The following CNGB1 variants were observed in gnomAD, a reference collection of about 807,000 sequenced individuals.
CNGB1 encodes the protein cyclic nucleotide gated channel subunit beta 1.
Under a neutral mutation model 151.7 loss-of-function variants are expected in CNGB1, and 126 were observed. The observed-to-expected ratio is 0.83, with a 90% CI of 0.72 to 0.96. The LOEUF (loss-of-function observed/expected upper bound fraction) is 0.96, where lower values mean the gene tolerates loss of function less well. CNGB1 is among the 40% of genes least tolerant of loss of function. The pLI, the probability that CNGB1 is intolerant of heterozygous loss-of-function variation, is 0.00. For synonymous variants in CNGB1, 623 were observed against 635.1 expected (o/e 0.98, Z 0.29); for missense variants, 1,698 against 1,627.0 (o/e 1.04, Z -0.75).
rs765506955 is a variant in CNGB1 at position 57,884,307 on chromosome 16, G to A, written c.3613C>T (p.Leu1205Phe). The change falls in exon 33 of 33, where the codon CTT becomes TTT. Residue 1205 changes from leucine (L) to phenylalanine (F), a missense_variant. Coordinates refer to ENST00000251102, the MANE Select transcript of CNGB1 (RefSeq NM_001297.5). ...TCCTCCTCTCCCTCCGGCCTCCCAAGGGAGGCAGGCGGTGGAGAGCTCGGT... is the reference window on the plus strand; with the variant it reads ...TCCTCCTCTCCCTCCGGCCTCCCAAAGGAGGCAGGCGGTGGAGAGCTCGGT... ...SPPSSPPPASLGRPEGEEEGP... is the reference protein window; with the variant it reads ...SPPSSPPPASFGRPEGEEEGP... The A allele has an allele frequency of 5.0e-6, 8 of 1,612,700 alleles. No homozygotes were observed. Among genetic ancestry groups the A allele is most frequent in the African/African-American group, 1.3e-5 (1 of 74,866 alleles).
intron 23 of CNGB1, 91 bp downstream of exon 23, chr16:57,915,158 C>T: frequency 9.8e-7 from 1 of 1,021,346 alleles, no homozygotes; most frequent in Non-Finnish European, 1.5e-6. Context: ...CTCCCCTCCC[C>T]AGTGCTGCTG....
chr16:57,954,238 C>G (rs765759942), intron 12 of CNGB1, among the ~76,000 whole-genome samples: 1 of 152,166 alleles, frequency 6.6e-6, no homozygotes, highest in Non-Finnish European at 1.5e-5. Context: ...ATTGCCCCAC[C>G]TCATCACCAG....
At chr16:57,914,779 T>TC (rs1442563939) in intron 23 of CNGB1, among the ~76,000 whole-genome samples, 1 of 152,124 alleles carries the variant, frequency 6.6e-6, no homozygotes, top group Non-Finnish European at 1.5e-5. Context: ...TTCAAATCCA[T>TC]CCCTGGCACT....
chr16:57,890,060 C>T (rs1443019833), intron 31 of CNGB1, among the ~76,000 whole-genome samples: 1 of 152,162 alleles, frequency 6.6e-6, no homozygotes, highest in Non-Finnish European at 1.5e-5. Context: ...AGAGCCCTAG[C>T]TTTTTACCGG....
At chr16:57,904,112 G>A (rs1206907956) in intron 26 of CNGB1, 131 bp from the exon 27 acceptor site, 16 of 736,356 alleles carry the variant, frequency 2.2e-5, no homozygotes, top group Non-Finnish European at 3.3e-5. Flanking sequence ...TGGGAGGGGG[G>A]TAGGCAGATG....
At chr16:57,918,933 G>A (rs1260142685) in intron 20 of CNGB1, among the ~76,000 whole-genome samples, 166 bp downstream of exon 20, 1 of 152,132 alleles carries the variant, frequency 6.6e-6, no homozygotes, top group East Asian at 1.9e-4. Context: ...TTGAGAATCA[G>A]GCAAGAAACT....
chr16:57,893,662 G>T (rs1280681250), intron 31 of CNGB1, among the ~76,000 whole-genome samples: 1 of 152,132 alleles, frequency 6.6e-6, no homozygotes, highest in East Asian at 1.9e-4. Context: ...GCCGGGTGTG[G>T]TGGCATGTGC....
intron 27 of CNGB1, among the ~76,000 whole-genome samples, chr16:57,902,012 T>C (rs1467913584): frequency 6.6e-6 from 1 of 152,192 alleles, no homozygotes; most frequent in Non-Finnish European, 1.5e-5. Context: ...CTAAAGTCTC[T>C]GGAGCACTTC....
chr16:57,967,298 T>G lies in CNGB1; in HGVS notation c.-8-4A>C. 1 of 1,614,192 alleles carries G rather than the reference T, an allele frequency of 6.2e-7. No individual in the cohort carries two copies. ...ACCCAGCCCAACATCCTGATGCCTG[T>G]AGGAGACAGAGTCCTTAGCCCTCCC... On this transcript the variant is annotated splice_region_variant and splice_polypyrimidine_tract_variant and intron_variant, in intron 1 of 32. Transcript: ENST00000251102.
intron 31 of CNGB1, among the ~76,000 whole-genome samples, chr16:57,889,917 G>A (rs537848776): frequency 1.3e-5 from 2 of 152,284 alleles, no homozygotes; most frequent in Admixed American, 1.3e-4. Flanking sequence ...TGACAGTTGG[G>A]GAAATTGAGG....
At chr16:57,920,657 TA>T in intron 18 of CNGB1, 113 bp from the exon 19 acceptor site, 1 of 1,306,504 alleles carries the variant, frequency 7.7e-7, no homozygotes, top group Non-Finnish European at 1.1e-6. Context: ...CTGAAGGAGG[TA>T]AGTCCTGCCC....
chr16:57,884,129 G>C lies in CNGB1; in HGVS notation c.*35C>G. 1 of 1,613,804 alleles carries C rather than the reference G, an allele frequency of 6.2e-7. No individual in the cohort carries two copies. Among genetic ancestry groups the C allele is most frequent in the Non-Finnish European group, 8.5e-7 (1 of 1,179,800 alleles). On this transcript the variant is annotated 3_prime_UTR_variant, in exon 33 of 33. Transcript: ENST00000251102. ...CGCAGCGGGCGCTGGGGACACACCT[G>C]CTGGAACTGCGCGCGGGATCCGCCT...
In CNGB1 at chr16:57,912,938, G is replaced by C; in HGVS notation, c.2361C>G (p.Tyr787Ter). 1 of 1,613,820 alleles carries C rather than the reference G, an allele frequency of 6.2e-7. No individual in the cohort carries two copies. Among genetic ancestry groups the C allele is most frequent in the South Asian group, 1.1e-5 (1 of 91,082 alleles). Residue 787 changes from tyrosine to a stop codon, truncating the protein, a stop_gained, in exon 24 of 33, where the codon TAC becomes TAG. Transcript: ENST00000251102. LOFTEE classifies it high-confidence loss of function. ...TGCAGGGGGAGTCTCACCTGTACAC[G>C]TAGGCTTTGCTGAGGATGGATTCCA... ...SRLESILSKA[Y>*]VYRVIRTTAY...
chr16:57,961,867 G>A (rs1962266315), intron 7 of CNGB1, among the ~76,000 whole-genome samples: 1 of 152,192 alleles, frequency 6.6e-6, no homozygotes. Context: ...TGGGGTGAAT[G>A]GAAATGAATG....
At chr16:57,911,438 A>G (rs1960706862) in intron 25 of CNGB1, among the ~76,000 whole-genome samples, 2 of 152,032 alleles carry the variant, frequency 1.3e-5, no homozygotes, top group South Asian at 4.1e-4. Context: ...ACAGGTGTGC[A>G]TCACCACGCC....
At chr16:57,902,414 A>T (rs1182739286) in intron 27 of CNGB1, among the ~76,000 whole-genome samples, 1 of 151,896 alleles carries the variant, frequency 6.6e-6, no homozygotes, top group Non-Finnish European at 1.5e-5. Flanking sequence ...AGATTATCTT[A>T]GTTTTAGTTT....
chr16:57,927,081 C>G (rs913985602), intron 17 of CNGB1, among the ~76,000 whole-genome samples: 2 of 152,224 alleles, frequency 1.3e-5, no homozygotes, highest in Non-Finnish European at 2.9e-5. Flanking sequence ...CTTCTGGTCC[C>G]CCAGCACTGC....
At chr16:57,905,626 G>A (rs1960529087) in intron 25 of CNGB1, among the ~76,000 whole-genome samples, 1 of 152,272 alleles carries the variant, frequency 6.6e-6, no homozygotes, top group African/African-American at 2.4e-5. Flanking sequence ...GTGCAATGGT[G>A]TCAGGAGCTA....
At chr16:57,924,732 C>G (rs554590576) in intron 17 of CNGB1, among the ~76,000 whole-genome samples, 1 of 152,100 alleles carries the variant, frequency 6.6e-6, no homozygotes, top group Admixed American at 6.5e-5. Flanking sequence ...GATTAGATCA[C>G]GGGGGCGGAG....
Sources: gnomAD v4.1 joint callset for allele counts (sites outside exome capture counted in the v4.1 genomes callset) on GRCh38, gnomAD v4.1.1 for gene constraint, MANE v1.5 for transcripts, NCBI Gene and HGNC (gene_info 2026-07-23, HGNC 2026-07-21) for gene names.